Variants in PHC2 observed in about 807,000 individuals in gnomAD.
PHC2 encodes polyhomeotic homolog 2.
A neutral mutation model predicts 87.4 loss-of-function variants in PHC2; 29 were observed. The ratio of observed to expected loss-of-function variants is 0.33; its 90% CI spans 0.25 to 0.45. PHC2 has a LOEUF of 0.45. Among genes scored for constraint, PHC2 ranks in the 20% least tolerant of loss-of-function variants. The pLI is 1.00. For synonymous variants in PHC2, 438 were observed against 461.7 expected (o/e 0.95, Z 0.66); for missense variants, 857 against 1,136.7 (o/e 0.75, Z 3.54).
At position 33,332,179 on chromosome 1, in the gene PHC2, C is replaced by T; in HGVS notation, c.1891+96G>A. Reference sequence around the variant, plus strand: ...GGAAATGTTTACAGACTCGCTGGCTCAGGGTTCCTCTGGGGAAACAGAGAG... The same window carrying T: ...GGAAATGTTTACAGACTCGCTGGCTTAGGGTTCCTCTGGGGAAACAGAGAG... On this transcript the variant is annotated intron_variant, in intron 11 of 14. Transcript: ENST00000683057. The surrounding 1 kb of genome is among the most constrained non-coding windows in gnomAD (Gnocchi z 4.2). 1 of 1,425,440 alleles carries T rather than the reference C, an allele frequency of 7.0e-7. No homozygotes were observed. The highest frequency in any genetic ancestry group is 9.8e-7 in the Non-Finnish European group (1 of 1,020,758). 88.3% of individuals were successfully genotyped at this position (1,425,440 alleles called of 1,614,324 possible). A position where few individuals can be genotyped will look rare whatever the true frequency, so the allele number is the denominator to read the frequency against.
intron 1 of PHC2, among the ~76,000 whole-genome samples, chr1:33,395,161 A>T (rs1438414216): frequency 1.3e-5 from 2 of 152,240 alleles, no homozygotes; most frequent in Non-Finnish European, 2.9e-5. Flanking sequence ...GGATGAATTT[A>T]AAAAATACTA....
chr1:33,350,465 T>C (rs1646949583), intron 9 of PHC2: 1 of 152,202 alleles, frequency 6.6e-6, no homozygotes, highest in Non-Finnish European at 1.5e-5. Flanking sequence ...TTGGTTATCT[T>C]CCCCAAGCGC....
At chr1:33,338,176 C>A (rs1399268921) in intron 9 of PHC2, among the ~76,000 whole-genome samples, 1 of 152,226 alleles carries the variant, frequency 6.6e-6, no homozygotes, top group Non-Finnish European at 1.5e-5. Flanking sequence ...CTCTTGAGGT[C>A]AGAGTCTGTC....
intron 1 of PHC2, among the ~76,000 whole-genome samples, chr1:33,409,673 G>A (rs747166475): frequency 6.6e-6 from 1 of 152,174 alleles, no homozygotes; most frequent in Non-Finnish European, 1.5e-5. Context: ...TGGCAGAGAA[G>A]TCCACATTCT....
intron 9 of PHC2, chr1:33,345,967 T>C (rs1024204064): frequency 2.0e-6 from 2 of 984,480 alleles, no homozygotes; most frequent in Admixed American, 1.2e-4. Context: ...AATAGGCAAC[T>C]TTTTTTAAAA....
At position 33,349,879 on chromosome 1, in the gene PHC2, C is replaced by T. The variant is rs921918799; in HGVS notation, c.1558+4522G>A. ...GCGCGCGGCGGGCGCTCGAGGGCTG[C>T]AGCCGCCGCGGAGACAATGCGGCGA... On this transcript the variant is annotated intron_variant, in intron 9 of 14. Transcript: ENST00000683057. The surrounding 1 kb of genome is among the most constrained non-coding windows in gnomAD (Gnocchi z 4.2). 91 of 977,766 alleles carry T rather than the reference C, an allele frequency of 9.3e-5. No homozygotes were observed. Among genetic ancestry groups the T allele is most frequent in the Non-Finnish European group, 1.0e-4 (85 of 826,324 alleles). The allele number at this position is 977,766 out of a possible 1,614,324, so 60.6% of individuals were successfully genotyped here. A position where few individuals can be genotyped will look rare whatever the true frequency, so the allele number is the denominator to read the frequency against.
At position 33,367,396 on chromosome 1, in the gene PHC2, T is replaced by C; in HGVS notation, c.696A>G (p.Thr232=). The change falls in exon 7 of 15, where the codon ACA becomes ACG. Residue 232 remains threonine, a synonymous_variant. Transcript: ENST00000683057. ...TGGGGCCCGAGGCTGCTGCCGCTGGTGTCTGCTGTGTTCGGAGGGTCAAGT... is the reference window on the plus strand; with the variant it reads ...TGGGGCCCGAGGCTGCTGCCGCTGGCGTCTGCTGTGTTCGGAGGGTCAAGT... ...VQNLTLRTQQ[T]PAAAASGPTP... 1 of 1,593,028 alleles carries C rather than the reference T, an allele frequency of 6.3e-7. No individual in the cohort carries two copies. Among genetic ancestry groups the C allele is most frequent in the Non-Finnish European group, 8.6e-7 (1 of 1,166,664 alleles).
In PHC2 at chr1:33,368,878, G is replaced by T. The variant is rs1365086366; in HGVS notation, c.577-256C>A. Among the ~76,000 whole-genome samples, 1 of 152,144 alleles carries T rather than the reference G, an allele frequency of 6.6e-6. No homozygotes were observed. Among genetic ancestry groups the T allele is most frequent in the African/African-American group, 2.4e-5 (1 of 41,418 alleles). ...CATCCTGACCCAGGCTGGGTGCAGG[G>T]GTGGGTGGGGAGAGCCGCTCTGGGG... On this transcript the variant is annotated intron_variant, in intron 5 of 14. Coordinates refer to ENST00000683057, the MANE Select transcript of PHC2 (RefSeq NM_001385109.1). This position sits in a 1 kb window ranked among gnomAD's most constrained non-coding sequence, Gnocchi z 6.6.
intron 3 of PHC2, 28 bp downstream of exon 3, chr1:33,372,261 C>A: frequency 1.3e-6 from 2 of 1,484,312 alleles, no homozygotes; most frequent in South Asian, 1.4e-5. Flanking sequence ...TGCCTGGCAC[C>A]AGCCTCAAGG....
chr1:33,328,815 T>C (rs72658237), intron 14 of PHC2, 55 bp downstream of exon 14: 183,607 of 1,527,558 alleles, frequency 0.12, 12,513 homozygotes, highest in East Asian at 0.26. Flanking sequence ...GGAGGGTCTC[T>C]CATTTTCTCT....
chr1:33,411,448 T>G (rs1183303348), intron 1 of PHC2, among the ~76,000 whole-genome samples: 10 of 151,180 alleles, frequency 6.6e-5, no homozygotes. Context: ...ACATCTCTGT[T>G]TTTTGTTGTT....
chr1:33,335,537 C>T (rs4338326), intron 9 of PHC2, among the ~76,000 whole-genome samples: 49,400 of 152,072 alleles, frequency 0.32, 8,697 homozygotes, highest in African/African-American at 0.46. Context: ...ATCCATAATA[C>T]CACCACAGAA....
intron 1 of PHC2, among the ~76,000 whole-genome samples, chr1:33,386,504 G>C (rs904678979): frequency 1.3e-5 from 2 of 151,856 alleles, no homozygotes; most frequent in African/African-American, 4.8e-5. Context: ...CGGTGACAGA[G>C]TGAGACTCTG....
In PHC2 at chr1:33,359,417, G is replaced by T. The variant is rs918466145; in HGVS notation, c.977-4164C>A. Among the ~76,000 whole-genome samples, 6 of 152,304 alleles carry T rather than the reference G, an allele frequency of 3.9e-5. No individual in the cohort carries two copies. In the East Asian group the frequency reaches 7.7e-4, roughly 20 times the overall value. On this transcript the variant is annotated intron_variant, in intron 7 of 14. Transcript: ENST00000683057. ...AGTCCACTATAGTTGACTAGAGTTTGATGTTACCTGGCCTACCAGCAAGGA... is the reference window on the plus strand; with the variant it reads ...AGTCCACTATAGTTGACTAGAGTTTTATGTTACCTGGCCTACCAGCAAGGA...
At chr1:33,355,862 A>G (rs1647060944) in intron 7 of PHC2, among the ~76,000 whole-genome samples, 1 of 152,228 alleles carries the variant, frequency 6.6e-6, no homozygotes, top group Non-Finnish European at 1.5e-5. Flanking sequence ...TTCCCAATCT[A>G]AAAATTGAAA....
At chr1:33,333,583 C>T (rs1009876177) in intron 10 of PHC2, 1 of 166,540 alleles carries the variant, frequency 6.0e-6, no homozygotes, top group Admixed American at 6.5e-5. Flanking sequence ...CATTAACTCC[C>T]CTTTCAAGGC....
At chr1:33,425,542 G>A (rs762638154) in intron 1 of PHC2, among the ~76,000 whole-genome samples, 6 of 152,210 alleles carry the variant, frequency 3.9e-5, no homozygotes, top group Non-Finnish European at 5.9e-5. Context: ...GCTATAATGA[G>A]ATGCTGAAGT....
chr1:33,398,965 TTCTTCAG>T (rs1649405152), intron 1 of PHC2, among the ~76,000 whole-genome samples: 1 of 152,206 alleles, frequency 6.6e-6, no homozygotes, highest in African/African-American at 2.4e-5. Context: ...CACGGTTTCT[TTCTTCAG>T]GCAGTCTGGG....
At chr1:33,343,413 T>A (rs1428846950) in intron 9 of PHC2, among the ~76,000 whole-genome samples, 12 of 136,090 alleles carry the variant, frequency 8.8e-5, no homozygotes, top group Non-Finnish European at 1.8e-4. Context: ...GAGGTTGCAG[T>A]GAGCCGAGAT....
Sources: gnomAD v4.1 joint callset for allele counts (sites outside exome capture counted in the v4.1 genomes callset) on GRCh38, gnomAD v4.1.1 for gene constraint, Gnocchi (gnomAD v3.1) non-coding constraint, MANE v1.5 for transcripts, NCBI Gene and HGNC (gene_info 2026-07-23, HGNC 2026-07-21) for gene names.